GIN1: variants seen among roughly 807,000 people sequenced by gnomAD.
GIN1 encodes the protein gypsy retrotransposon integrase-like protein 1.
In GIN1, 41 loss-of-function variants were observed where a neutral mutation model predicts 51.4. The ratio of observed to expected loss-of-function variants is 0.80; its 90% CI spans 0.62 to 1.04. GIN1 has a LOEUF of 1.04. GIN1 is among the 50% of genes least tolerant of loss of function. GIN1 has a pLI of 0.00. For missense variants in GIN1, 610 were observed against 612.4 expected (o/e 1.00, Z 0.04); for synonymous variants, 222 against 206.5 (o/e 1.07, Z -0.64).
rs782189444 is a variant in GIN1, at chr5:103,096,617, G to A, written c.1218C>T (p.Asp406=). The change falls in exon 7 of 8, where the codon GAC becomes GAT. Residue 406 remains aspartate, a synonymous_variant. Transcript: ENST00000399004. The part of the protein sequence containing the change: ...ITESGCAVLR[D]NTGVRLKRPI... ...GTCTTTTCAGTCTAACCCCAGTGTT[G>A]TCTCTCAGGACAGCACATCCACTTT... 2.5e-6 allele frequency: 4 copies of A among 1,613,318 alleles called. No individual in the cohort carries two copies. Among genetic ancestry groups the A allele is most frequent in the Admixed American group, 1.7e-5 (1 of 60,014 alleles).
At chr5:103,096,464 G>A (rs1787395662) in intron 7 of GIN1, 77 bp downstream of exon 7, 1 of 1,045,206 alleles carries the variant, frequency 9.6e-7, no homozygotes, top group Non-Finnish European at 1.4e-6. Flanking sequence ...ACAAAAGAGG[G>A]GAGAAAGGTT....
intron 1 of GIN1, among the ~76,000 whole-genome samples, chr5:103,118,003 T>C (rs1788091767): frequency 6.6e-6 from 1 of 152,186 alleles, no homozygotes; most frequent in Non-Finnish European, 1.5e-5. Context: ...TTGTAATCAA[T>C]AATTTAGATT....
At chr5:103,099,563 C>A (rs1231857439) in intron 4 of GIN1, among the ~76,000 whole-genome samples, 3 of 151,970 alleles carry the variant, frequency 2.0e-5, no homozygotes, top group African/African-American at 7.3e-5. Flanking sequence ...TTTGAAATGA[C>A]CCTTGAAAAA....
chr5:103,100,316 T>C lies in GIN1; in HGVS notation c.640-2535A>G, dbSNP rs189393020. 2.0e-3 allele frequency among the ~76,000 whole-genome samples: 305 copies of C among 152,092 alleles called. 2 individuals are homozygous for C. Among genetic ancestry groups the C allele is most frequent in the African/African-American group, 7.2e-3 (299 of 41,496 alleles). ...CATTTCACCATGTTGCTTAGGCTAG[T>C]CTCGATCTCCTAGGCTCAAGCAATC... On this transcript the variant is annotated intron_variant, in intron 4 of 7. Coordinates refer to ENST00000399004, the MANE Select transcript of GIN1 (RefSeq NM_017676.2).
At chr5:103,106,669 C>G in intron 3 of GIN1, 47 bp downstream of exon 3, 1 of 1,086,916 alleles carries the variant, frequency 9.2e-7, no homozygotes, top group Non-Finnish European at 1.3e-6. Flanking sequence ...TTTTAAGTAT[C>G]TATCAGAAAG....
intron 2 of GIN1, among the ~76,000 whole-genome samples, chr5:103,108,349 A>G (rs34830): frequency 0.26 from 38,798 of 151,934 alleles, 5,517 homozygotes; most frequent in East Asian, 0.45. Context: ...CTTTCATGGT[A>G]TCATATTCTG....
rs782502439 is a variant in GIN1 at position 103,086,090 on chromosome 5, G to A, written c.*1808C>T. Reference sequence around the variant, plus strand: ...ACAGGGTTGGTCTTCTGAGGAATGAGGAAAAATGTATTCAATGCCTCTCCC... The same window carrying A: ...ACAGGGTTGGTCTTCTGAGGAATGAAGAAAAATGTATTCAATGCCTCTCCC... On this transcript the variant is annotated 3_prime_UTR_variant, in exon 8 of 8. Coordinates refer to ENST00000399004, the MANE Select transcript of GIN1 (RefSeq NM_017676.2). The A allele has an allele frequency of 1.3e-5, 2 of 152,176 alleles. No homozygotes were observed. Among genetic ancestry groups the A allele is most frequent in the Non-Finnish European group, 2.9e-5 (2 of 68,036 alleles). 9.4% of individuals were successfully genotyped at this position (152,176 alleles called of 1,614,324 possible).
rs1220933715 is a variant in GIN1, at chr5:103,086,814, T to A, written c.*1084A>T. On this transcript the variant is annotated 3_prime_UTR_variant, in exon 8 of 8. Coordinates refer to ENST00000399004, the MANE Select transcript of GIN1 (RefSeq NM_017676.2). ...AAGAATGAGGTACACGTTTGACTCA[T>A]CTTTTACTTTTCCCACAGTTCTTTT... is the stretch of plus-strand genomic sequence containing the variant. 6.6e-6 allele frequency: 1 copy of A among 152,232 alleles called. No individual in the cohort carries two copies. Among genetic ancestry groups the A allele is most frequent in the Admixed American group, 6.5e-5 (1 of 15,280 alleles). The allele number at this position is 152,232 out of a possible 1,614,324, so 9.4% of individuals were successfully genotyped here.
intron 7 of GIN1, among the ~76,000 whole-genome samples, chr5:103,089,388 C>T (rs2151459842): frequency 6.6e-6 from 1 of 152,264 alleles, no homozygotes; most frequent in Non-Finnish European, 1.5e-5. Flanking sequence ...TCCCCCAAAA[C>T]ATCAGAATAT....
At chr5:103,088,636 TACAA>T (rs1302215785) in intron 7 of GIN1, among the ~76,000 whole-genome samples, 2 of 152,022 alleles carry the variant, frequency 1.3e-5, no homozygotes, top group African/African-American at 2.4e-5. Context: ...CTACAAAAAA[TACAA>T]ACAATTAGCA....
intron 2 of GIN1, among the ~76,000 whole-genome samples, chr5:103,107,673 T>C (rs781855907): frequency 1.3e-5 from 2 of 152,116 alleles, no homozygotes; most frequent in African/African-American, 4.8e-5. Flanking sequence ...TTCATCAATG[T>C]ATCTCCAAGG....
chr5:103,091,434 G>T (rs1486483883), intron 7 of GIN1, among the ~76,000 whole-genome samples: 1 of 152,140 alleles, frequency 6.6e-6, no homozygotes, highest in East Asian at 1.9e-4. Flanking sequence ...GAGGCGGGGA[G>T]TAAGCAAACA....
intron 1 of GIN1, among the ~76,000 whole-genome samples, chr5:103,111,328 C>T (rs534944100): frequency 3.4e-4 from 51 of 152,180 alleles, no homozygotes; most frequent in African/African-American, 1.1e-3. Flanking sequence ...ACTATACATA[C>T]TGTAAAATTA....
At chr5:103,118,405 T>TA (rs1788121879) in intron 1 of GIN1, among the ~76,000 whole-genome samples, 1 of 152,164 alleles carries the variant, frequency 6.6e-6, no homozygotes, top group Admixed American at 6.5e-5. Context: ...TAAAGTAACA[T>TA]AAAACCCTTT....
chr5:103,115,450 T>C (rs931290052), intron 1 of GIN1, among the ~76,000 whole-genome samples: 3 of 152,162 alleles, frequency 2.0e-5, no homozygotes, highest in African/African-American at 7.2e-5. Context: ...ATTCCACCTA[T>C]ATGAGGTAGT....
chr5:103,115,748 G>A (rs1233633964), intron 1 of GIN1, among the ~76,000 whole-genome samples: 4 of 151,832 alleles, frequency 2.6e-5, no homozygotes, highest in African/African-American at 7.3e-5. Context: ...TTTTGCTTTC[G>A]ACAAGGGAGT....
chr5:103,105,145 TATTG>T (rs1239119709), intron 3 of GIN1, among the ~76,000 whole-genome samples: 15 of 151,912 alleles, frequency 9.9e-5, no homozygotes, highest in Non-Finnish European at 1.5e-5. Context: ...AAAAGTACTC[TATTG>T]ATAGGGAGGG....
Position 103,106,811 on chromosome 5 carries a change from T to C in GIN1, c.238A>G (p.Asn80Asp). The change falls in exon 3 of 8, where the codon AAT becomes GAT. Residue 80 changes from asparagine to aspartate, a missense_variant. Coordinates refer to ENST00000399004, the MANE Select transcript of GIN1 (RefSeq NM_017676.2). ...ATACCATGATGAGCTCCACTGTCAT[T>C]TTCATGGCATTCTCTTAAGACTTTC... ...KKKVLRECHENDSGAHHGISR... is the reference protein window; with the variant it reads ...KKKVLRECHEDDSGAHHGISR... 6.2e-7 allele frequency: 1 copy of C among 1,601,904 alleles called. No homozygotes were observed. The highest frequency in any genetic ancestry group is 8.5e-7 in the Non-Finnish European group (1 of 1,171,184).
intron 7 of GIN1, among the ~76,000 whole-genome samples, chr5:103,089,988 A>T (rs530870142): frequency 1.3e-5 from 2 of 149,712 alleles, no homozygotes; most frequent in East Asian, 3.9e-4. Flanking sequence ...AAAAAAAAAT[A>T]AAATAAAATA....
Sources: gnomAD v4.1 joint callset for allele counts (sites outside exome capture counted in the v4.1 genomes callset) on GRCh38, gnomAD v4.1.1 for gene constraint, MANE v1.5 for transcripts, NCBI Gene and HGNC (gene_info 2026-07-23, HGNC 2026-07-21) for gene names.